Variants in CNTN4 observed in about 807,000 individuals in gnomAD.
The protein encoded by CNTN4 is contactin-4.
Under a neutral mutation model 122.5 loss-of-function variants are expected in CNTN4, and 77 were observed. That is an observed-to-expected ratio of 0.63 (90% CI 0.52 to 0.76). The LOEUF (loss-of-function observed/expected upper bound fraction) is 0.76. Ranked by LOEUF, CNTN4 falls within the 30% of genes least tolerant of loss-of-function variation. The pLI, the probability that CNTN4 is intolerant of heterozygous loss-of-function variation, is 0.00. For missense variants in CNTN4, 1,256 were observed against 1,259.1 expected (o/e 1.00, Z 0.04); for synonymous variants, 512 against 447.0 (o/e 1.15, Z -1.83).
chr3:2,331,827 A>G (rs2043736213), intron 2 of CNTN4, among the ~76,000 whole-genome samples: 1 of 152,104 alleles, frequency 6.6e-6, no homozygotes, highest in South Asian at 2.1e-4. Context: ...CTGAGTGAAA[A>G]TGCTATATAA....
intron 2 of CNTN4, among the ~76,000 whole-genome samples, chr3:2,182,901 CTT>C (rs2037082208): frequency 6.6e-6 from 1 of 150,914 alleles, no homozygotes; most frequent in South Asian, 2.1e-4. Context: ...GTGCTCTCTT[CTT>C]TGTTTCAGAT....
At chr3:2,351,668 A>T (rs1352749269) in intron 3 of CNTN4, among the ~76,000 whole-genome samples, 2 of 152,140 alleles carry the variant, frequency 1.3e-5, no homozygotes, top group African/African-American at 4.8e-5. Flanking sequence ...TTATTTCTGG[A>T]ATTTCCCATT....
At chr3:2,159,737 A>T (rs147465249) in intron 2 of CNTN4, among the ~76,000 whole-genome samples, 1,959 of 151,940 alleles carry the variant, frequency 0.013, 45 homozygotes, top group African/African-American at 0.045. Context: ...TAACACATCT[A>T]GTTTTATTTT....
intron 14 of CNTN4, among the ~76,000 whole-genome samples, chr3:3,019,835 CAT>C (rs1379140955): frequency 2.0e-5 from 3 of 146,918 alleles, no homozygotes; most frequent in Admixed American, 6.8e-5. Flanking sequence ...TATTTACACA[CAT>C]ATATTGTATA....
chr3:2,613,717 T>G (rs904795529), intron 4 of CNTN4, among the ~76,000 whole-genome samples: 22 of 152,174 alleles, frequency 1.4e-4, no homozygotes, highest in Admixed American at 5.2e-4. Context: ...TAGCCTTAGT[T>G]TACCAGTTAT....
chr3:2,107,390 G>C (rs559615930), intron 2 of CNTN4, among the ~76,000 whole-genome samples: 7 of 152,142 alleles, frequency 4.6e-5, no homozygotes, highest in Admixed American at 1.3e-4. Flanking sequence ...CATGGTGGAA[G>C]GGGAGAGAGA....
chr3:2,373,366 G>T (rs2045702743), intron 3 of CNTN4, among the ~76,000 whole-genome samples: 1 of 152,188 alleles, frequency 6.6e-6, no homozygotes, highest in South Asian at 2.1e-4. Context: ...TAAAAGGGAG[G>T]ACTGCTTTTC....
chr3:2,651,393 A>G (rs2083352011), intron 4 of CNTN4, among the ~76,000 whole-genome samples: 1 of 152,194 alleles, frequency 6.6e-6, no homozygotes, highest in Non-Finnish European at 1.5e-5. Flanking sequence ...TCAGTTCACC[A>G]AGGACACCAC....
At position 2,101,581 on chromosome 3, in the gene CNTN4, C is replaced by T. The variant is rs143059691; in HGVS notation, c.-145+942C>T. On this transcript the variant is annotated intron_variant, in intron 2 of 24. Transcript: ENST00000418658. ...TTTTGTTCCTTTTTGTTCATTTTTC[C>T]CTGTAATGCTATGTTTTAAGCCTAG... Among the ~76,000 whole-genome samples the T allele has an allele frequency of 5.7e-4, 86 of 151,884 alleles. No individual in the cohort carries two copies. In the East Asian group the frequency reaches 0.016, roughly 28 times the overall value.
chr3:2,275,952 A>G (rs1299694454), intron 2 of CNTN4, among the ~76,000 whole-genome samples: 5 of 151,358 alleles, frequency 3.3e-5, no homozygotes, highest in African/African-American at 9.7e-5. Flanking sequence ...AAAAAATATT[A>G]AATCTTGATT....
At chr3:2,676,617 A>G (rs1166614451) in intron 4 of CNTN4, among the ~76,000 whole-genome samples, 1 of 152,070 alleles carries the variant, frequency 6.6e-6, no homozygotes, top group Non-Finnish European at 1.5e-5. Flanking sequence ...ACCTTGATGA[A>G]TGGATGAGCA....
At chr3:2,557,763 A>G (rs1175380302) in intron 3 of CNTN4, among the ~76,000 whole-genome samples, 5 of 152,014 alleles carry the variant, frequency 3.3e-5, no homozygotes, top group Admixed American at 6.6e-5. Flanking sequence ...AAAAAAAAAA[A>G]AAAATGCATG....
At chr3:2,641,624 A>G (rs1358620062) in intron 4 of CNTN4, among the ~76,000 whole-genome samples, 2 of 152,048 alleles carry the variant, frequency 1.3e-5, no homozygotes, top group Non-Finnish European at 2.9e-5. Context: ...CTTCACAATG[A>G]CCCTAGTCTA....
chr3:2,816,837 A>G (rs1018631916), intron 6 of CNTN4, among the ~76,000 whole-genome samples: 1 of 150,858 alleles, frequency 6.6e-6, no homozygotes, highest in African/African-American at 2.4e-5. Flanking sequence ...AAAAAAAAAA[A>G]AAAAAGAACT....
intron 13 of CNTN4, among the ~76,000 whole-genome samples, chr3:2,953,327 A>G (rs2094765237): frequency 6.6e-6 from 1 of 152,108 alleles, no homozygotes; most frequent in Non-Finnish European, 1.5e-5. Context: ...TCTAATGACC[A>G]GCTTCCATTC....
rs76474047 is a variant in CNTN4 at position 2,399,960 on chromosome 3, A to C, written c.-89+60727A>C. ...ATCAATAAATGTGAGTGATTTCATT[A>C]CTTATGAAATAATTCAGGAAGAAAT... is the stretch of plus-strand genomic sequence containing the variant. On this transcript the variant is annotated intron_variant, in intron 3 of 24. Coordinates refer to ENST00000418658, the MANE Select transcript of CNTN4 (RefSeq NM_175607.3). Among the ~76,000 whole-genome samples, 1,281 of 152,226 alleles carry C rather than the reference A, an allele frequency of 8.4e-3. 19 individuals are homozygous for C. Among genetic ancestry groups the C allele is most frequent in the African/African-American group, 0.029 (1,222 of 41,572 alleles).
In CNTN4 at chr3:3,019,106, G is replaced by A. The variant is rs1459837844; in HGVS notation, c.1487-6996G>A. Among the ~76,000 whole-genome samples, 5 of 152,178 alleles carry A rather than the reference G, an allele frequency of 3.3e-5. No homozygotes were observed. In the South Asian group the frequency reaches 6.2e-4, roughly 19 times the overall value. Reference sequence around the variant, plus strand: ...GGAGAGGGGAACACTCTTCCTTAGAGTAGAATGTCAGCTGATATATGTAGA... The same window carrying A: ...GGAGAGGGGAACACTCTTCCTTAGAATAGAATGTCAGCTGATATATGTAGA... On this transcript the variant is annotated intron_variant, in intron 14 of 24. Coordinates refer to ENST00000418658, the MANE Select transcript of CNTN4 (RefSeq NM_175607.3).
intron 3 of CNTN4, among the ~76,000 whole-genome samples, chr3:2,541,837 G>C (rs571420492): frequency 1.3e-5 from 2 of 152,200 alleles, no homozygotes; most frequent in Admixed American, 6.5e-5. Context: ...GCTATGAGTG[G>C]AGATGCCATC....
rs77683069 is a variant in CNTN4, at chr3:2,361,214, C to T, written c.-89+21981C>T. Among the ~76,000 whole-genome samples the T allele has an allele frequency of 0.013, 1,999 of 152,118 alleles. 116 individuals are homozygous for T. The East Asian group carries it at 0.17, about 13-fold the overall frequency. On this transcript the variant is annotated intron_variant, in intron 3 of 24. Coordinates refer to ENST00000418658, the MANE Select transcript of CNTN4 (RefSeq NM_175607.3). ...CCTAGAACATAAGTTAACGTGTGTACCTGTATTAACCTCACCCACCTTGGT... is the reference window on the plus strand; with the variant it reads ...CCTAGAACATAAGTTAACGTGTGTATCTGTATTAACCTCACCCACCTTGGT...
Sources: allele counts gnomAD v4.1 joint callset (sites outside exome capture counted in the v4.1 genomes callset), GRCh38; gene constraint gnomAD v4.1.1; transcripts MANE v1.5; gene names NCBI Gene and HGNC (gene_info 2026-07-23, HGNC 2026-07-21).